Variants in ZNF469 observed in about 807,000 individuals in gnomAD.
ZNF469 encodes the protein zinc finger protein 469.
Under a neutral mutation model 1.0 loss-of-function variants are expected in ZNF469, and 1 was observed. The ratio of observed to expected loss-of-function variants is 1.00; its 90% CI spans 0.35 to 4.73. The LOEUF (loss-of-function observed/expected upper bound fraction) is 4.73. Ranked by LOEUF, ZNF469 falls within the 30% of genes most tolerant of loss-of-function variation. The pLI, the probability that ZNF469 is intolerant of heterozygous loss-of-function variation, is 0.16. For missense variants in ZNF469, 6,100 were observed against 5,356.3 expected (o/e 1.14, Z -4.33); for synonymous variants, 2,703 against 2,363.4 (o/e 1.14, Z -4.17).
At chr16:88,283,856 G>C in the ZNF469 span, among the ~76,000 whole-genome samples, 1 of 145,154 alleles carries the variant, frequency 6.9e-6, no homozygotes, top group Non-Finnish European at 1.5e-5. Context: ...GTCTGCAGAG[G>C]CTGGTAGACC....
chr16:88,174,598 C>T, the ZNF469 span, among the ~76,000 whole-genome samples: 3 of 147,964 alleles, frequency 2.0e-5, no homozygotes, highest in Non-Finnish European at 4.5e-5. Flanking sequence ...CCTCTTCCAG[C>T]CCTGATACAG....
the ZNF469 span, among the ~76,000 whole-genome samples, chr16:88,169,692 T>C: frequency 0.087 from 13,284 of 152,252 alleles, 691 homozygotes; most frequent in East Asian, 0.23. This position sits in a 1 kb window ranked among gnomAD's most constrained non-coding sequence, Gnocchi z 6.1. Flanking sequence ...CCTTCGTGCT[T>C]ACATTGGCCG....
chr16:88,428,770 C>T lies in ZNF469; in HGVS notation c.1300C>T (p.Pro434Ser). The T allele has an allele frequency of 1.3e-6, 2 of 1,545,690 alleles. No individual in the cohort carries two copies. The highest frequency in any genetic ancestry group is 2.4e-5 in the East Asian group (1 of 40,834). Residue 434 changes from proline to serine, a missense_variant, in exon 3 of 3, where the codon CCC becomes TCC. By Grantham distance (74) the Pro-to-Ser change is moderately conservative. Coordinates refer to ENST00000565624, the MANE Select transcript of ZNF469 (RefSeq NM_001367624.2). ...CGAGCTGGCCGCCCCAGGGCCCCCA[C>T]CCGCCAGGCTGCCCCAGCTGTGGGA... is the stretch of plus-strand genomic sequence containing the variant. ...DTELAAPGPP[P>S]ARLPQLWDPT...
At chr16:88,248,983 C>A in the ZNF469 span, among the ~76,000 whole-genome samples, 1 of 152,138 alleles carries the variant, frequency 6.6e-6, no homozygotes, top group Non-Finnish European at 1.5e-5. Context: ...TGTCTGTCTC[C>A]CTCTGTGACT....
At chr16:88,284,654 C>G in the ZNF469 span, among the ~76,000 whole-genome samples, 1 of 146,554 alleles carries the variant, frequency 6.8e-6, no homozygotes, top group African/African-American at 2.5e-5. Flanking sequence ...TAAAAACCAA[C>G]ACACAATTCA....
chr16:88,105,379 A>C, the ZNF469 span, among the ~76,000 whole-genome samples: 37 of 146,352 alleles, frequency 2.5e-4, no homozygotes, highest in African/African-American at 9.5e-4. Flanking sequence ...ATCTTGGCTC[A>C]CTGCAACCTC....
chr16:88,357,354 C>T, the ZNF469 span, among the ~76,000 whole-genome samples: 2,258 of 152,330 alleles, frequency 0.015, 49 homozygotes, highest in African/African-American at 0.051. Flanking sequence ...CTAGACACTG[C>T]CCCTAGCCAC....
chr16:88,200,887 C>T, the ZNF469 span, among the ~76,000 whole-genome samples: 1 of 152,264 alleles, frequency 6.6e-6, no homozygotes, highest in East Asian at 1.9e-4. Flanking sequence ...CTCCGGCCGC[C>T]CCCGGCTGCT....
the ZNF469 span, among the ~76,000 whole-genome samples, chr16:88,129,748 T>C: frequency 6.6e-6 from 1 of 152,202 alleles, no homozygotes; most frequent in Non-Finnish European, 1.5e-5. Flanking sequence ...CAGTCTCAGC[T>C]ACTCAGGAGG....
At chr16:88,165,875 T>C in the ZNF469 span, among the ~76,000 whole-genome samples, 1 of 152,204 alleles carries the variant, frequency 6.6e-6, no homozygotes, top group African/African-American at 2.4e-5. Flanking sequence ...GCGGCATTTG[T>C]CTTTTGGTGC....
chr16:88,168,466 G>T, the ZNF469 span, among the ~76,000 whole-genome samples: 5 of 151,544 alleles, frequency 3.3e-5, 1 homozygote, highest in Admixed American at 1.3e-4. The surrounding 1 kb of genome is among the most constrained non-coding windows in gnomAD (Gnocchi z 4.3). Context: ...ACCTTGTGTG[G>T]GGTCGCTCAT....
rs772545154 is a variant in ZNF469 at position 88,438,560 on chromosome 16, T to C, written c.11090T>C (p.Val3697Ala). Residue 3697 changes from valine to alanine, a missense_variant, in exon 3 of 3, where the codon GTG becomes GCG. Val to Ala is a moderately conservative substitution (Grantham distance 64). Coordinates refer to ENST00000565624, the MANE Select transcript of ZNF469 (RefSeq NM_001367624.2). ...CCCAGCAAAGCACTCAAGTTCCCAGTGCACCCAAGGAAGGCGGTGGGGAGC... is the reference window on the plus strand; with the variant it reads ...CCCAGCAAAGCACTCAAGTTCCCAGCGCACCCAAGGAAGGCGGTGGGGAGC... ...STPSKALKFP[V>A]HPRKAVGSLA... 6.5e-7 allele frequency: 1 copy of C among 1,549,954 alleles called. No individual in the cohort carries two copies. The highest frequency in any genetic ancestry group is 8.7e-7 in the Non-Finnish European group (1 of 1,146,944).
chr16:88,257,821 A>G, the ZNF469 span, among the ~76,000 whole-genome samples: 12 of 152,198 alleles, frequency 7.9e-5, no homozygotes, highest in Non-Finnish European at 1.5e-4. Flanking sequence ...TTCTATCCAT[A>G]GGGCTGAGCT....
Position 88,428,685 on chromosome 16 carries a change from C to A in ZNF469, c.1215C>A (p.His405Gln). The A allele has an allele frequency of 6.5e-7, 1 of 1,549,768 alleles. No homozygotes were observed. Among genetic ancestry groups the A allele is most frequent in the Non-Finnish European group, 8.7e-7 (1 of 1,146,838 alleles). ...RGPPSSLPQR[H>Q]FPGQAYRASG... The stretch of plus-strand genomic sequence containing the variant: ...CCCCTAGCTCCCTACCCCAGAGGCA[C>A]TTTCCAGGGCAGGCGTACAGAGCCA... The change falls in exon 3 of 3, where the codon CAC becomes CAA. Residue 405 changes from histidine to glutamine, a missense_variant. His to Gln is a conservative substitution (Grantham distance 24). Coordinates refer to ENST00000565624, the MANE Select transcript of ZNF469 (RefSeq NM_001367624.2).
the ZNF469 span, among the ~76,000 whole-genome samples, chr16:88,144,784 G>A: frequency 6.6e-6 from 1 of 152,092 alleles, no homozygotes; most frequent in Non-Finnish European, 1.5e-5. Flanking sequence ...CTCCTTGTTT[G>A]CTAGACGTGT....
At position 88,434,757 on chromosome 16, in the gene ZNF469, C is replaced by T. The variant is rs1165974840; in HGVS notation, c.7287C>T (p.Ala2429=). The change falls in exon 3 of 3, where the codon GCC becomes GCT. Residue 2429 remains alanine, a synonymous_variant. Transcript: ENST00000565624. ...QSDSPQSHRN[A]SHQTPQGDPL... is the part of the protein sequence containing the mutation. ...ACTCCCCCCAAAGCCACAGAAATGC[C>T]TCCCACCAGACTCCCCAGGGGGACC... 4 of 1,550,280 alleles carry T rather than the reference C, an allele frequency of 2.6e-6. No homozygotes were observed. The South Asian group carries it at 3.6e-5, about 14-fold the overall frequency.
the ZNF469 span, among the ~76,000 whole-genome samples, chr16:88,122,742 A>T: frequency 2.0e-5 from 3 of 152,204 alleles, no homozygotes; most frequent in African/African-American, 7.2e-5. Context: ...ATGTGTGTGT[A>T]CATAAATATA....
the ZNF469 span, among the ~76,000 whole-genome samples, chr16:88,261,922 G>A: frequency 1.3e-5 from 2 of 152,134 alleles, no homozygotes; most frequent in African/African-American, 4.8e-5. The surrounding 1 kb of genome is among the most constrained non-coding windows in gnomAD (Gnocchi z 6.0). Context: ...CCCAAGGAAG[G>A]CCTCACACCC....
chr16:88,195,679 T>G, the ZNF469 span, among the ~76,000 whole-genome samples: 2 of 152,100 alleles, frequency 1.3e-5, no homozygotes, highest in Non-Finnish European at 1.5e-5. Flanking sequence ...GATGGACGTT[T>G]GAAGAAAAGG....
Sources: gnomAD v4.1 joint callset for allele counts (sites outside exome capture counted in the v4.1 genomes callset) on GRCh38, gnomAD v4.1.1 for gene constraint, Gnocchi (gnomAD v3.1) non-coding constraint, MANE v1.5 for transcripts, NCBI Gene and HGNC (gene_info 2026-07-23, HGNC 2026-07-21) for gene names.